EPHA4: variants seen among roughly 807,000 people sequenced by gnomAD.
The protein encoded by EPHA4 is EPH receptor A4, also known as ephrin type-A receptor 4.
A neutral mutation model predicts 108.3 loss-of-function variants in EPHA4; 19 were observed. The observed-to-expected ratio is 0.18, with a 90% CI of 0.12 to 0.26. The LOEUF (loss-of-function observed/expected upper bound fraction) is 0.26. EPHA4 is among the 10% of genes least tolerant of loss of function. The pLI is 1.00. For synonymous variants in EPHA4, 449 were observed against 455.5 expected, an observed-to-expected ratio of 0.99 and a Z score of 0.18; for missense variants, 917 against 1,254.0, an observed-to-expected ratio of 0.73 and a Z score of 4.06.
chr2:221,440,155 A>C (rs576094495), intron 11 of EPHA4, among the ~76,000 whole-genome samples: 26 of 152,206 alleles, frequency 1.7e-4, no homozygotes, highest in African/African-American at 5.8e-4. Context: ...TGCAGTGGGG[A>C]GGAAAGGGGT....
At chr2:221,480,851 T>C (rs543537253) in intron 5 of EPHA4, among the ~76,000 whole-genome samples, 67 of 152,356 alleles carry the variant, frequency 4.4e-4, no homozygotes, top group Non-Finnish European at 8.4e-4. Context: ...AAATAATGGC[T>C]TTGGATTGGG....
At chr2:221,465,164 C>G (rs1473022783) in intron 5 of EPHA4, among the ~76,000 whole-genome samples, 1 of 152,026 alleles carries the variant, frequency 6.6e-6, no homozygotes. Flanking sequence ...CTGAAGGATA[C>G]AATTGACTCA....
At chr2:221,501,394 G>C in intron 3 of EPHA4, 1 of 411,848 alleles carries the variant, frequency 2.4e-6, no homozygotes, top group East Asian at 3.8e-5. Context: ...GAAGTCCAAA[G>C]GAAGAAATTT....
At position 221,501,122 on chromosome 2, in the gene EPHA4, T is replaced by C. The variant is rs1175746778; in HGVS notation, c.874A>G (p.Lys292Glu). 2 of 1,613,118 alleles carry C rather than the reference T, an allele frequency of 1.2e-6. No homozygotes were observed. The highest frequency in any genetic ancestry group is 3.3e-5 in the Admixed American group (2 of 59,916). ...ACAGAGTAGCTGTGGGGTGGGCACT[T>C]GGCACAGGTGGCATCCGTGGAGAGA... ...KALSTDATCAKCPPHSYSVWE... is the reference protein window; with the variant it reads ...KALSTDATCAECPPHSYSVWE... Residue 292 changes from lysine (K) to glutamate (E), a missense_variant, in exon 4 of 18, where the codon AAG becomes GAG. By Grantham distance (56) the Lys-to-Glu change is moderately conservative. Coordinates refer to ENST00000281821, the MANE Select transcript of EPHA4 (RefSeq NM_004438.5).
intron 3 of EPHA4, among the ~76,000 whole-genome samples, chr2:221,558,793 C>T (rs984027763): frequency 9.2e-5 from 14 of 152,086 alleles, no homozygotes; most frequent in African/African-American, 1.4e-4. Flanking sequence ...AATAATTAAA[C>T]GCTGCTCTCT....
In EPHA4 at chr2:221,564,059, C is replaced by T. The variant is rs1694552692; in HGVS notation, c.495G>A (p.Lys165=). 6.2e-7 allele frequency: 1 copy of T among 1,614,084 alleles called. No homozygotes were observed. The highest frequency in any genetic ancestry group is 8.5e-7 in the Non-Finnish European group (1 of 1,180,020). Reference sequence around the variant, plus strand: ...CTACATCCCGGATCTCGGTGTTCAGCTTCATGATTCTGTCACCAATGTCCA... The same window carrying T: ...CTACATCCCGGATCTCGGTGTTCAGTTTCATGATTCTGTCACCAATGTCCA... ...TQVDIGDRIM[K]LNTEIRDVGP... Residue 165 remains lysine, a synonymous_variant, in exon 3 of 18, where the codon AAG becomes AAA. Coordinates refer to ENST00000281821, the MANE Select transcript of EPHA4 (RefSeq NM_004438.5).
At chr2:221,444,685 T>C (rs962937794) in intron 9 of EPHA4, among the ~76,000 whole-genome samples, 2 of 150,828 alleles carry the variant, frequency 1.3e-5, no homozygotes, top group African/African-American at 2.4e-5. Context: ...TTATATGCTA[T>C]AGCCAAGAAA....
intron 3 of EPHA4, among the ~76,000 whole-genome samples, chr2:221,561,664 A>T (rs1040521341): frequency 8.5e-5 from 13 of 152,154 alleles, no homozygotes; most frequent in Admixed American, 3.9e-4. Context: ...AAACCAGAAA[A>T]ATGTTCGATT....
chr2:221,488,755 T>C (rs2106146916), intron 4 of EPHA4, among the ~76,000 whole-genome samples: 1 of 152,326 alleles, frequency 6.6e-6, no homozygotes, highest in African/African-American at 2.4e-5. Context: ...GGAATCTTGA[T>C]CTTCCTTTAC....
intron 3 of EPHA4, among the ~76,000 whole-genome samples, chr2:221,545,349 G>C (rs1022719343): frequency 1.3e-4 from 20 of 151,976 alleles, no homozygotes; most frequent in South Asian, 6.2e-4. Context: ...GGTACCTATA[G>C]TCCCAGCTAC....
chr2:221,565,114 T>C (rs1694590210), intron 2 of EPHA4, among the ~76,000 whole-genome samples: 2 of 152,138 alleles, frequency 1.3e-5, no homozygotes, highest in South Asian at 2.1e-4. Flanking sequence ...TTTTAAAACA[T>C]AGACAAATAA....
At chr2:221,503,228 T>G (rs974186440) in intron 3 of EPHA4, among the ~76,000 whole-genome samples, 4 of 152,336 alleles carry the variant, frequency 2.6e-5, no homozygotes, top group Admixed American at 2.6e-4. Context: ...TCTGAATGTT[T>G]GCAGAAAACT....
intron 4 of EPHA4, among the ~76,000 whole-genome samples, chr2:221,483,546 C>T (rs1295245084): frequency 4.2e-5 from 6 of 143,078 alleles, no homozygotes; most frequent in Admixed American, 6.8e-5. Context: ...GATGGAGTCT[C>T]GCTCTGTCAC....
chr2:221,536,630 C>T (rs1231865222), intron 3 of EPHA4, among the ~76,000 whole-genome samples: 2 of 152,164 alleles, frequency 1.3e-5, no homozygotes, highest in African/African-American at 4.8e-5. Context: ...TGGTCAATTC[C>T]CTTGTCTCTC....
At chr2:221,435,468 C>A (rs933796690) in intron 13 of EPHA4, among the ~76,000 whole-genome samples, 1 of 151,900 alleles carries the variant, frequency 6.6e-6, no homozygotes, top group African/African-American at 2.4e-5. Flanking sequence ...GAATACTATA[C>A]CCCCCTGCCC....
chr2:221,443,872 A>G (rs1690508785), intron 9 of EPHA4, among the ~76,000 whole-genome samples: 1 of 152,306 alleles, frequency 6.6e-6, no homozygotes. Flanking sequence ...CATCCCATGG[A>G]GGAAATTTGA....
chr2:221,453,366 A>G (rs763545454), intron 8 of EPHA4, among the ~76,000 whole-genome samples: 1 of 152,244 alleles, frequency 6.6e-6, no homozygotes, highest in Non-Finnish European at 1.5e-5. Flanking sequence ...AAAAAAGCAC[A>G]TATAATTCCT....
chr2:221,566,858 A>G (rs1393841785), intron 2 of EPHA4, among the ~76,000 whole-genome samples: 1 of 60,748 alleles, frequency 1.6e-5, no homozygotes, highest in East Asian at 6.0e-4. Context: ...GAGAAGGAGA[A>G]GAAGAAGAAG....
chr2:221,474,422 T>TAAAAA (rs35346087), intron 5 of EPHA4, among the ~76,000 whole-genome samples: 13 of 143,932 alleles, frequency 9.0e-5, no homozygotes, highest in African/African-American at 2.8e-4. Flanking sequence ...GACTGTTTCT[T>TAAAAA]AAAAAAAAAA....
Sources: allele counts gnomAD v4.1 joint callset (sites outside exome capture counted in the v4.1 genomes callset), GRCh38; gene constraint gnomAD v4.1.1; transcripts MANE v1.5; gene names NCBI Gene and HGNC (gene_info 2026-07-23, HGNC 2026-07-21).